DHX16: variants seen among roughly 807,000 people sequenced by gnomAD.
DHX16 encodes the protein pre-mRNA-splicing factor ATP-dependent RNA helicase DHX16.
A neutral mutation model predicts 131.2 loss-of-function variants in DHX16; 81 were observed. The ratio of observed to expected loss-of-function variants is 0.62; its 90% confidence interval spans 0.52 to 0.74. The LOEUF (loss-of-function observed/expected upper bound fraction) is 0.74. DHX16 is among the 30% of genes least tolerant of loss of function. The probability of loss-of-function intolerance (pLI) is 0.00; values close to 1 mark genes in which losing one functional copy is unlikely to be tolerated. For synonymous variants in DHX16, 440 were observed against 520.2 expected (o/e 0.85, Z 2.10); for missense variants, 980 against 1,363.1 (o/e 0.72, Z 4.43).
rs756123183 is a variant in DHX16 at position 30,659,605 on chromosome 6, C to T, written c.1874G>A (p.Cys625Tyr). 6.8e-6 allele frequency: 11 copies of T among 1,613,956 alleles called. No homozygotes were observed. The highest frequency in any genetic ancestry group is 2.2e-5 in the East Asian group (1 of 44,886). ...GCGGCAGCGATCCTGGAGCATCTCA[C>T]AGGCAGCCTCAATCTCCTCCTGGAT... ...LTGQEEIEAA[C>Y]EMLQDRCRRL... is the part of the protein sequence containing the mutation. Residue 625 changes from cysteine to tyrosine, a missense_variant, in exon 12 of 20, where the codon TGT (cysteine) becomes TAT (tyrosine). By Grantham distance (194) the Cys-to-Tyr change is radical (BLOSUM62 -2). Coordinates refer to ENST00000376442, the MANE Select transcript of DHX16 (RefSeq NM_003587.5).
At chr6:30,663,894 A>T (rs1217324182) in intron 7 of DHX16, among the ~76,000 whole-genome samples, 1 of 149,224 alleles carries the variant, frequency 6.7e-6, no homozygotes, top group Admixed American at 6.7e-5. Context: ...GTGTGGTGGT[A>T]CGCACCTGTA....
intron 16 of DHX16, among the ~76,000 whole-genome samples, 200 bp downstream of exon 16, chr6:30,655,998 C>T (rs1767942066): frequency 6.6e-6 from 1 of 152,140 alleles, no homozygotes. Context: ...CTCAAGGGGC[C>T]GGGCGCAGTG....
At position 30,655,259 on chromosome 6, in the gene DHX16, A is replaced by G. The variant is rs776815818; in HGVS notation, c.2739T>C (p.Asp913=). The change falls in exon 18 of 20, where the codon GAT becomes GAC. Residue 913 remains aspartate (D), a synonymous_variant. Coordinates refer to ENST00000376442, the MANE Select transcript of DHX16 (RefSeq NM_003587.5). ...VQFRSMRRAR[D]VREQLEGLLE... ...AGAGCCCTTCCAGCTGTTCCCGCAC[A>G]TCCCGGGCTCGGCGCATCGATCTGA... 4 of 1,614,168 alleles carry G rather than the reference A, an allele frequency of 2.5e-6. No individual in the cohort carries two copies. In the East Asian group the frequency reaches 8.9e-5, roughly 36 times the overall value.
At chr6:30,669,744 TAAAAAAAAAAAAAA>T (rs953317689) in intron 4 of DHX16, among the ~76,000 whole-genome samples, 1 of 113,822 alleles carries the variant, frequency 8.8e-6, no homozygotes, top group African/African-American at 3.4e-5. Flanking sequence ...AAAAAAGGTT[TAAAAAAAAAAAAAA>T]AAAAAAAAAG....
chr6:30,665,769 C>T lies in DHX16; in HGVS notation c.667-36G>A, dbSNP rs185743232. The stretch of plus-strand genomic sequence containing the variant: ...AAAGGACAGTCGAATCCTCATCTTG[C>T]TGGAGGAGCAACCCCTTTCTCTACC... On this transcript the variant is annotated intron_variant, in intron 4 of 19. Coordinates refer to ENST00000376442, the MANE Select transcript of DHX16 (RefSeq NM_003587.5). The surrounding 1 kb of genome is among the most constrained non-coding windows in gnomAD (Gnocchi z 4.8). The T allele has an allele frequency of 1.0e-4, 164 of 1,589,416 alleles. 1 individual carries two copies. The African/African-American group carries it at 1.9e-3, about 19-fold the overall frequency.
Position 30,654,230 on chromosome 6 carries a change from G to A in DHX16, c.2997+476C>T, listed in dbSNP as rs1253894627. On this transcript the variant is annotated intron_variant, in intron 19 of 19. Coordinates refer to ENST00000376442, the MANE Select transcript of DHX16 (RefSeq NM_003587.5). ...CCATTCAAATATTTATTGAATAAGT[G>A]TCTAGTTCTCAGATCTTGGAAGATG... is the stretch of plus-strand genomic sequence containing the variant. Among the ~76,000 whole-genome samples, 6 of 152,224 alleles carry A rather than the reference G, an allele frequency of 3.9e-5. 1 individual carries two copies. Among genetic ancestry groups the A allele is most frequent in the Admixed American group, 2.0e-4 (3 of 15,292 alleles).
In DHX16 at chr6:30,662,998, C is replaced by A; in HGVS notation, c.1341G>T (p.Lys447Asn). 6.2e-7 allele frequency: 1 copy of A among 1,613,352 alleles called. No individual in the cohort carries two copies. The highest frequency in any genetic ancestry group is 8.5e-7 in the Non-Finnish European group (1 of 1,179,946). ...CTCTCCGGGGTTGGGTGCAGGCAAT[C>A]TTCATACCCTTGTTTGTATAACCCT... ...FEEGYTNKGM[K>N]IACTQPRRVA... The change falls in exon 8 of 20, where the codon AAG becomes AAT. Residue 447 changes from lysine (K) to asparagine (N), a missense_variant. Coordinates refer to ENST00000376442, the MANE Select transcript of DHX16 (RefSeq NM_003587.5). The surrounding 1 kb of genome is among the most constrained non-coding windows in gnomAD (Gnocchi z 4.7).
chr6:30,672,640 TC>T lies in DHX16; in HGVS notation c.201del (p.Trp67Ter). 6.2e-7 allele frequency: 1 copy of T among 1,609,776 alleles called. No individual in the cohort carries two copies. The highest frequency in any genetic ancestry group is 1.1e-5 in the South Asian group (1 of 91,016). The stretch of plus-strand genomic sequence containing the variant: ...CTCCCCACCCCTGCCGACACCTTGT[TC>T]CAGAGTCTCAGGGCGAAGTCCCGGG... ...GPARDFALRL[W>X]NKVPRKAVVE... On this transcript the variant is annotated frameshift_variant, in exon 1 of 20. Transcript: ENST00000376442. LOFTEE classifies it high-confidence loss of function.
In DHX16 at chr6:30,670,467, C is replaced by T. The variant is rs1305950537; in HGVS notation, c.610-1G>A. 3 of 1,610,914 alleles carry T rather than the reference C, an allele frequency of 1.9e-6. No homozygotes were observed. Among genetic ancestry groups the T allele is most frequent in the Admixed American group, 3.3e-5 (2 of 59,884 alleles). Reference sequence around the variant, plus strand: ...GGCGCTTCTGAGCCTCTTCATAAGCCTAGAAGAAAAAACAAGAATGGAGGG... The same window carrying T: ...GGCGCTTCTGAGCCTCTTCATAAGCTTAGAAGAAAAAACAAGAATGGAGGG... On this transcript the variant is annotated splice_acceptor_variant, in intron 3 of 19. Transcript: ENST00000376442. LOFTEE classifies it high-confidence loss of function. This position sits in a 1 kb window ranked among gnomAD's most constrained non-coding sequence, Gnocchi z 4.4.
chr6:30,667,159 G>A (rs554540310), intron 4 of DHX16, among the ~76,000 whole-genome samples: 3 of 152,204 alleles, frequency 2.0e-5, no homozygotes, highest in East Asian at 3.9e-4. Context: ...CTAAAAATTC[G>A]TATTTAAAAG....
intron 1 of DHX16, 145 bp downstream of exon 1, chr6:30,672,490 G>A: frequency 1.4e-6 from 1 of 712,446 alleles, no homozygotes; most frequent in South Asian, 1.9e-5. Context: ...CCACTGAGCT[G>A]GGCGTCCAGC....
rs146276778 is a variant in DHX16 at position 30,660,245 on chromosome 6, G to A, written c.1545-3C>T. The A allele has an allele frequency of 1.2e-4, 176 of 1,525,582 alleles. No individual in the cohort carries two copies. Among genetic ancestry groups the A allele is most frequent in the Non-Finnish European group, 1.5e-4 (172 of 1,136,280 alleles). The allele number at this position is 1,525,582 out of a possible 1,614,324, so 94.5% of individuals were successfully genotyped here. A position where few individuals can be genotyped will look rare whatever the true frequency, so the allele number is the denominator to read the frequency against. ...GTGCCTCATCCACCATCACCACGCTGGGGAGGGAATAGGAGAGCAATGAGG... is the reference window on the plus strand; with the variant it reads ...GTGCCTCATCCACCATCACCACGCTAGGGAGGGAATAGGAGAGCAATGAGG... On this transcript the variant is annotated splice_polypyrimidine_tract_variant and splice_region_variant and intron_variant, in intron 9 of 19. Transcript: ENST00000376442.
Position 30,660,053 on chromosome 6 carries a change from A to G in DHX16, c.1734T>C (p.Pro578=). 1 of 1,612,826 alleles carries G rather than the reference A, an allele frequency of 6.2e-7. No homozygotes were observed. Among genetic ancestry groups the G allele is most frequent in the Non-Finnish European group, 8.5e-7 (1 of 1,179,884 alleles). ...PVFRIPGRRF[P]VDIFYTKAPE... ...GCACCTTGGTGTAGAAGATGTCCAC[A>G]GGAAACCTGCGTCCGGGGATTCGAA... Residue 578 remains proline (P), a synonymous_variant, in exon 10 of 20, where the codon CCT becomes CCC. Transcript: ENST00000376442.
In DHX16 at chr6:30,665,853, T is replaced by A; in HGVS notation, c.667-120A>T. On this transcript the variant is annotated intron_variant, in intron 4 of 19. Transcript: ENST00000376442. The surrounding 1 kb of genome is among the most constrained non-coding windows in gnomAD (Gnocchi z 4.8). ...GGCATGAGAACCTCAGGATGCACCCTCTACCTTCCCTCTGCAATGCACAAC... is the reference window on the plus strand; with the variant it reads ...GGCATGAGAACCTCAGGATGCACCCACTACCTTCCCTCTGCAATGCACAAC... The A allele has an allele frequency of 7.7e-7, 1 of 1,301,632 alleles. No homozygotes were observed. Among genetic ancestry groups the A allele is most frequent in the Non-Finnish European group, 1.0e-6 (1 of 962,294 alleles). The allele number at this position is 1,301,632 out of a possible 1,614,324, so 80.6% of individuals were successfully genotyped here.
chr6:30,670,954 T>A lies in DHX16; in HGVS notation c.447-2A>T. Reference sequence around the variant, plus strand: ...TTCTCTGTCTGCTGTTTACTCCCCCTGCAGCCCATCCAGGGGATTAAATAA... The same window carrying A: ...TTCTCTGTCTGCTGTTTACTCCCCCAGCAGCCCATCCAGGGGATTAAATAA... On this transcript the variant is annotated splice_acceptor_variant, in intron 2 of 19. Coordinates refer to ENST00000376442, the MANE Select transcript of DHX16 (RefSeq NM_003587.5). LOFTEE classifies it high-confidence loss of function. This position sits in a 1 kb window ranked among gnomAD's most constrained non-coding sequence, Gnocchi z 4.4. 6.2e-7 allele frequency: 1 copy of A among 1,613,084 alleles called. No individual in the cohort carries two copies. Among genetic ancestry groups the A allele is most frequent in the Non-Finnish European group, 8.5e-7 (1 of 1,180,022 alleles).
At chr6:30,655,960 G>A (rs1767939096) in intron 16 of DHX16, among the ~76,000 whole-genome samples, 1 of 152,206 alleles carries the variant, frequency 6.6e-6, no homozygotes, top group Non-Finnish European at 1.5e-5. Flanking sequence ...AAATGTTCTA[G>A]TTGGAAACCT....
At chr6:30,672,494 G>A in intron 1 of DHX16, 141 bp downstream of exon 1, 1 of 736,354 alleles carries the variant, frequency 1.4e-6, no homozygotes, top group East Asian at 2.7e-5. Flanking sequence ...TGAGCTGGGC[G>A]TCCAGCAGCT....
At chr6:30,666,383 C>G (rs1368797174) in intron 4 of DHX16, among the ~76,000 whole-genome samples, 1 of 152,216 alleles carries the variant, frequency 6.6e-6, no homozygotes, top group Non-Finnish European at 1.5e-5. Context: ...TTGATACAAA[C>G]TTTTCAGGAC....
rs1439427005 is a variant in DHX16 at position 30,672,988 on chromosome 6, AG to A, written c.-148del. On this transcript the variant is annotated 5_prime_UTR_variant, in exon 1 of 20. Coordinates refer to ENST00000376442, the MANE Select transcript of DHX16 (RefSeq NM_003587.5). ...CCTCTAGGATCTTCCGACATCCCAAAGCTGTCTTCCCGTACCGCGGAGCCCG... is the reference window on the plus strand; with the variant it reads ...CCTCTAGGATCTTCCGACATCCCAAACTGTCTTCCCGTACCGCGGAGCCCG... 1 of 1,551,038 alleles carries A rather than the reference AG, an allele frequency of 6.4e-7. No individual in the cohort carries two copies.
Sources: gnomAD v4.1 joint callset for allele counts (sites outside exome capture counted in the v4.1 genomes callset) on GRCh38, gnomAD v4.1.1 for gene constraint, Gnocchi (gnomAD v3.1) non-coding constraint, MANE v1.5 for transcripts, NCBI Gene and HGNC (gene_info 2026-07-23, HGNC 2026-07-21) for gene names.